The following BNC2 variants were observed in gnomAD, a reference collection of about 807,000 sequenced individuals.
BNC2 encodes the protein basonuclin zinc finger protein 2.
In BNC2, 20 loss-of-function variants were observed where a neutral mutation model predicts 76.3. The ratio of observed to expected loss-of-function variants is 0.26; its 90% CI spans 0.18 to 0.38. BNC2 has a LOEUF of 0.38. BNC2 is among the 10% of genes least tolerant of loss of function. BNC2 has a pLI of 1.00. For missense variants in BNC2, 1,382 were observed against 1,399.8 expected (o/e 0.99, Z 0.20); for synonymous variants, 582 against 514.8 (o/e 1.13, Z -1.77).
chr9:16,637,557 G>C (rs529772117), intron 3 of BNC2, among the ~76,000 whole-genome samples: 1 of 152,170 alleles, frequency 6.6e-6, no homozygotes. Flanking sequence ...GCTTTATCAT[G>C]CTAATTCCAA....
intron 6 of BNC2, among the ~76,000 whole-genome samples, chr9:16,422,982 G>A (rs1435577433): frequency 6.6e-6 from 1 of 152,186 alleles, no homozygotes. Context: ...GAAGTTGGGA[G>A]AGACACAGAA....
chr9:16,513,857 A>G (rs1822816820), intron 5 of BNC2, among the ~76,000 whole-genome samples: 1 of 152,104 alleles, frequency 6.6e-6, no homozygotes, highest in African/African-American at 2.4e-5. Flanking sequence ...TCTTAATGGA[A>G]CTTCCTATGG....
intron 3 of BNC2, among the ~76,000 whole-genome samples, chr9:16,627,413 A>G (rs895868163): frequency 1.3e-5 from 2 of 152,068 alleles, no homozygotes; most frequent in Admixed American, 6.6e-5. Flanking sequence ...TTTCCAAAGA[A>G]TATGGTTCGG....
intron 1 of BNC2, among the ~76,000 whole-genome samples, chr9:16,860,826 T>C (rs1819387414): frequency 1.3e-5 from 2 of 152,114 alleles, no homozygotes; most frequent in South Asian, 4.1e-4. Flanking sequence ...GCAGATCACC[T>C]GAGGCCAGGA....
At chr9:16,685,342 T>C (rs569955193) in intron 3 of BNC2, among the ~76,000 whole-genome samples, 1 of 152,240 alleles carries the variant, frequency 6.6e-6, no homozygotes, top group African/African-American at 2.4e-5. Context: ...TATATATGTC[T>C]TGACTGAACA....
chr9:16,742,875 T>A (rs1324007515), intron 1 of BNC2, among the ~76,000 whole-genome samples: 1 of 152,172 alleles, frequency 6.6e-6, no homozygotes, highest in Admixed American at 6.5e-5. Flanking sequence ...TGGATACTTA[T>A]AAGCTACTAT....
intron 3 of BNC2, among the ~76,000 whole-genome samples, chr9:16,634,737 G>C (rs186003358): frequency 6.6e-6 from 1 of 152,136 alleles, no homozygotes; most frequent in East Asian, 1.9e-4. Context: ...TCCTGACCTT[G>C]TGATCTACCC....
intron 3 of BNC2, among the ~76,000 whole-genome samples, chr9:16,604,092 GT>G (rs1820315209): frequency 6.6e-6 from 1 of 152,094 alleles, no homozygotes; most frequent in African/African-American, 2.4e-5. Flanking sequence ...CAAGATAGAT[GT>G]TCAATTCTCT....
At chr9:16,857,652 C>T (rs998918448) in intron 1 of BNC2, among the ~76,000 whole-genome samples, 18 of 152,038 alleles carry the variant, frequency 1.2e-4, no homozygotes, top group Admixed American at 5.2e-4. Flanking sequence ...AATGCACACT[C>T]GCTTTGTATA....
intron 3 of BNC2, among the ~76,000 whole-genome samples, chr9:16,624,799 A>G (rs1366414055): frequency 6.6e-6 from 1 of 152,242 alleles, no homozygotes. Context: ...TTTTTAATCC[A>G]ACAAGTATTT....
chr9:16,448,019 A>T (rs1223936091), intron 5 of BNC2, among the ~76,000 whole-genome samples: 1 of 152,104 alleles, frequency 6.6e-6, no homozygotes, highest in Non-Finnish European at 1.5e-5. Context: ...AAAACACTAG[A>T]AACAGGAGGA....
intron 1 of BNC2, among the ~76,000 whole-genome samples, chr9:16,825,399 T>C (rs1030011719): frequency 1.3e-5 from 2 of 152,198 alleles, no homozygotes; most frequent in South Asian, 2.1e-4. Flanking sequence ...GGAAGGGTTA[T>C]GCAGTGCTAT....
At position 16,633,747 on chromosome 9, in the gene BNC2, G is replaced by A. The variant is rs568262615; in HGVS notation, c.331-50662C>T. On this transcript the variant is annotated intron_variant, in intron 3 of 6. Transcript: ENST00000380672. ...TTCAGATCCAAGTAAATAGCGGTTTGCAAACTAAGGTATGTTTATTTCTGT... is the reference window on the plus strand; with the variant it reads ...TTCAGATCCAAGTAAATAGCGGTTTACAAACTAAGGTATGTTTATTTCTGT... 6.8e-4 allele frequency among the ~76,000 whole-genome samples: 104 copies of A among 152,170 alleles called. 1 individual carries two copies. Among genetic ancestry groups the A allele is most frequent in the African/African-American group, 2.4e-3 (100 of 41,494 alleles).
At chr9:16,808,447 T>C (rs1817964158) in intron 1 of BNC2, among the ~76,000 whole-genome samples, 2 of 148,134 alleles carry the variant, frequency 1.4e-5, no homozygotes, top group African/African-American at 4.9e-5. Flanking sequence ...GGCCTGAATC[T>C]ATCAATATCC....
chr9:16,646,115 A>G (rs1821616077), intron 3 of BNC2, among the ~76,000 whole-genome samples: 1 of 152,202 alleles, frequency 6.6e-6, no homozygotes, highest in African/African-American at 2.4e-5. Flanking sequence ...GGATAGCAAA[A>G]GTTTTAAGAT....
At chr9:16,643,688 A>G (rs764393224) in intron 3 of BNC2, among the ~76,000 whole-genome samples, 3 of 152,206 alleles carry the variant, frequency 2.0e-5, no homozygotes, top group Non-Finnish European at 4.4e-5. Flanking sequence ...AAAAGCAGCA[A>G]TCACATCTGA....
intron 3 of BNC2, among the ~76,000 whole-genome samples, chr9:16,673,101 G>A (rs1173656746): frequency 6.6e-6 from 1 of 152,010 alleles, no homozygotes; most frequent in Non-Finnish European, 1.5e-5. Context: ...TGACAGGAGT[G>A]CATTCTCATA....
chr9:16,652,114 A>T (rs1202717789), intron 3 of BNC2, among the ~76,000 whole-genome samples: 1 of 152,212 alleles, frequency 6.6e-6, no homozygotes, highest in Non-Finnish European at 1.5e-5. Flanking sequence ...AGACTTGTTC[A>T]GCTGTTTCTA....
intron 3 of BNC2, among the ~76,000 whole-genome samples, chr9:16,585,605 T>C (rs1341840305): frequency 1.3e-5 from 2 of 152,186 alleles, no homozygotes; most frequent in Non-Finnish European, 2.9e-5. Context: ...GGAAGTTTTA[T>C]TCTAAATAAC....
Sources: allele counts gnomAD v4.1 joint callset (sites outside exome capture counted in the v4.1 genomes callset), GRCh38; gene constraint gnomAD v4.1.1; transcripts MANE v1.5; gene names NCBI Gene and HGNC (gene_info 2026-07-23, HGNC 2026-07-21).